ANK1: variants seen among roughly 807,000 people sequenced by gnomAD.
The protein encoded by ANK1 is ankyrin 1.
In ANK1, 51 loss-of-function variants were observed where a neutral mutation model predicts 210.4. The observed-to-expected ratio is 0.24, with a 90% CI of 0.19 to 0.31. The LOEUF (loss-of-function observed/expected upper bound fraction) is 0.31, where lower values mean the gene tolerates loss of function less well. Among genes scored for constraint, ANK1 ranks in the 10% least tolerant of loss-of-function variants. ANK1 has a pLI of 1.00. For missense variants in ANK1, 2,051 were observed against 2,504.4 expected (o/e 0.82, Z 3.86); for synonymous variants, 967 against 1,025.9 (o/e 0.94, Z 1.10).
At chr8:41,718,250 G>C in intron 10 of ANK1, 46 bp from the exon 11 acceptor site, 1 of 1,595,200 alleles carries the variant, frequency 6.3e-7, no homozygotes, top group African/African-American at 1.3e-5. Context: ...GCTTACACAC[G>C]GGCCCAAGGA....
intron 1 of ANK1, among the ~76,000 whole-genome samples, chr8:41,834,813 A>T (rs1807318031): frequency 6.6e-6 from 1 of 152,224 alleles, no homozygotes; most frequent in South Asian, 2.1e-4. Context: ...GAGCATGCAA[A>T]GGCCACATCC....
chr8:41,669,553 C>T (rs971235046), intron 38 of ANK1, among the ~76,000 whole-genome samples: 1 of 152,194 alleles, frequency 6.6e-6, no homozygotes, highest in African/African-American at 2.4e-5. Context: ...CCAATCCACA[C>T]TCAAAATCTT....
At chr8:41,699,640 G>A in intron 22 of ANK1, 92 bp from the exon 23 acceptor site, 1 of 1,236,582 alleles carries the variant, frequency 8.1e-7, no homozygotes, top group African/African-American at 1.5e-5. Flanking sequence ...CGCCTCTGGG[G>A]GCTTGCTCCT....
At chr8:41,766,168 G>T (rs1563712000) in intron 1 of ANK1, among the ~76,000 whole-genome samples, 2 of 152,204 alleles carry the variant, frequency 1.3e-5, no homozygotes, top group Non-Finnish European at 2.9e-5. Flanking sequence ...GAGATTTCAG[G>T]TCCTTTCCTG....
At chr8:41,661,623 G>A in intron 41 of ANK1, 59 bp from the exon 42 acceptor site, 1 of 1,610,346 alleles carries the variant, frequency 6.2e-7, no homozygotes, top group Non-Finnish European at 8.5e-7. Flanking sequence ...CAGAACACAG[G>A]CAGAAGATCG....
intron 9 of ANK1, among the ~76,000 whole-genome samples, chr8:41,720,714 G>A (rs1289478870): frequency 6.6e-6 from 1 of 152,106 alleles, no homozygotes; most frequent in Non-Finnish European, 1.5e-5. Flanking sequence ...TGAAGGAGGG[G>A]CACTGGGAGG....
chr8:41,862,043 G>A (rs1328692242), intron 1 of ANK1, among the ~76,000 whole-genome samples: 3 of 152,164 alleles, frequency 2.0e-5, no homozygotes, highest in African/African-American at 7.2e-5. Context: ...CAGACGGGGT[G>A]AATCTAGGTG....
At chr8:41,788,729 T>C (rs1221531011) in intron 1 of ANK1, among the ~76,000 whole-genome samples, 3 of 152,088 alleles carry the variant, frequency 2.0e-5, no homozygotes, top group African/African-American at 7.2e-5. Flanking sequence ...GGGGCAATAT[T>C]TTCACTCCAG....
intron 1 of ANK1, among the ~76,000 whole-genome samples, chr8:41,869,160 G>A (rs1025601960): frequency 1.3e-5 from 2 of 152,062 alleles, no homozygotes; most frequent in South Asian, 2.1e-4. Flanking sequence ...GTCAGAAGAC[G>A]AATTGTCCCT....
rs1228535558 is a variant in ANK1 at position 41,684,667 on chromosome 8, G to T, written c.4414C>A (p.Gln1472Lys). ...ANMENLYTAL[Q>K]SIDRGEIVNM... is the part of the protein sequence containing the mutation. ...ACGATCTCGCCACGGTCAATGCTCT[G>T]CAGGGCTGTGTACAGATTCTCCACT... is the stretch of plus-strand genomic sequence containing the variant. Residue 1472 changes from glutamine to lysine, a missense_variant, in exon 37 of 43, where the codon CAG becomes AAG. Transcript: ENST00000289734. 6.2e-7 allele frequency: 1 copy of T among 1,613,904 alleles called. No homozygotes were observed. The highest frequency in any genetic ancestry group is 1.7e-5 in the Admixed American group (1 of 60,030).
At chr8:41,753,181 C>T (rs1838226158) in intron 2 of ANK1, among the ~76,000 whole-genome samples, 1 of 151,136 alleles carries the variant, frequency 6.6e-6, no homozygotes, top group Admixed American at 6.6e-5. Context: ...TCTTGCATCT[C>T]AGCTTCCCAA....
At chr8:41,803,078 A>AGGAAGGAAGGAAGGAAGGGAAG (rs1554630992) in intron 1 of ANK1, among the ~76,000 whole-genome samples, 5,978 of 73,784 alleles carry the variant, frequency 0.081, 529 homozygotes, top group Non-Finnish European at 0.11. Context: ...GAAGGAAGGA[A>AGGAAGGAAGGAAGGAAGGGAAG]GGAAGGGAAG....
At chr8:41,731,713 T>C (rs548078949) in intron 3 of ANK1, among the ~76,000 whole-genome samples, 42 of 152,292 alleles carry the variant, frequency 2.8e-4, no homozygotes, top group African/African-American at 9.6e-4. Flanking sequence ...CAAAGCCACG[T>C]TGGCTTAGAA....
chr8:41,756,080 A>C (rs1839069544), intron 2 of ANK1, among the ~76,000 whole-genome samples: 2 of 152,134 alleles, frequency 1.3e-5, no homozygotes. Flanking sequence ...ACTGAATCCA[A>C]ATGGGGTCTT....
At chr8:41,834,053 G>T (rs1336018992) in intron 1 of ANK1, among the ~76,000 whole-genome samples, 1 of 152,216 alleles carries the variant, frequency 6.6e-6, no homozygotes, top group African/African-American at 2.4e-5. Flanking sequence ...ATCAGAGGGT[G>T]AGAGGGCACC....
intron 1 of ANK1, among the ~76,000 whole-genome samples, chr8:41,866,271 C>T (rs1161704686): frequency 6.6e-6 from 1 of 152,212 alleles, no homozygotes; most frequent in Non-Finnish European, 1.5e-5. Context: ...CTCATTGCGG[C>T]CTTGATCACC....
chr8:41,803,095 A>AAGG (rs1563811383), intron 1 of ANK1, among the ~76,000 whole-genome samples: 1 of 50,934 alleles, frequency 2.0e-5, no homozygotes, highest in Non-Finnish European at 4.1e-5. Flanking sequence ...GAAGGAAAGG[A>AAGG]AAGGAAAGGA....
chr8:41,812,554 G>A (rs766292608), intron 1 of ANK1, among the ~76,000 whole-genome samples: 66 of 152,188 alleles, frequency 4.3e-4, no homozygotes, highest in Non-Finnish European at 8.1e-4. Flanking sequence ...ATTACTGTAG[G>A]TTTCTTTCAT....
intron 1 of ANK1, among the ~76,000 whole-genome samples, chr8:41,782,109 T>A (rs546815913): frequency 3.8e-4 from 58 of 152,316 alleles, no homozygotes; most frequent in South Asian, 1.5e-3. Flanking sequence ...GAAACATTTC[T>A]TATGTGCCTG....
Sources: gnomAD v4.1 joint callset for allele counts (sites outside exome capture counted in the v4.1 genomes callset) on GRCh38, gnomAD v4.1.1 for gene constraint, MANE v1.5 for transcripts, NCBI Gene and HGNC (gene_info 2026-07-23, HGNC 2026-07-21) for gene names.